The following GALNT13 variants were observed in gnomAD, a reference collection of about 807,000 sequenced individuals.
GALNT13 encodes the protein UDP-GalNAc:polypeptide N-acetylgalactosaminyltransferase 13.
GALNT13 carries 28 observed loss-of-function variants against 64.2 expected under a neutral mutation model. The observed-to-expected ratio is 0.44, with a 90% CI of 0.32 to 0.60. The LOEUF is 0.60. GALNT13 is among the 20% of genes least tolerant of loss of function. The pLI, the probability that GALNT13 is intolerant of heterozygous loss-of-function variation, is 0.05. For synonymous variants in GALNT13, 214 were observed against 224.6 expected, an observed-to-expected ratio of 0.95 and a Z score of 0.42; for missense variants, 577 against 669.8, an observed-to-expected ratio of 0.86 and a Z score of 1.53.
chr2:153,199,795 T>C, the GALNT13 span, among the ~76,000 whole-genome samples: 1 of 152,196 alleles, frequency 6.6e-6, no homozygotes, highest in Admixed American at 6.5e-5. Context: ...AAGACTTTCA[T>C]TTATAGGCAT....
chr2:153,227,409 G>A, the GALNT13 span, among the ~76,000 whole-genome samples: 6 of 152,100 alleles, frequency 3.9e-5, no homozygotes, highest in Non-Finnish European at 7.4e-5. Context: ...AAATCAGCTT[G>A]GAGTGGAGAT....
intron 9 of GALNT13, among the ~76,000 whole-genome samples, chr2:154,316,332 T>C (rs1694318192): frequency 6.6e-6 from 1 of 152,168 alleles, no homozygotes; most frequent in South Asian, 2.1e-4. Flanking sequence ...CATTTGAAAA[T>C]TGTGATCAAC....
At chr2:153,236,068 A>G in the GALNT13 span, among the ~76,000 whole-genome samples, 1 of 152,148 alleles carries the variant, frequency 6.6e-6, no homozygotes, top group Admixed American at 6.6e-5. Context: ...ACTGAAGATC[A>G]AACCAGCCAC....
At chr2:154,153,505 TTTTG>T (rs1684195579) in intron 4 of GALNT13, among the ~76,000 whole-genome samples, 1 of 152,176 alleles carries the variant, frequency 6.6e-6, no homozygotes, top group Non-Finnish European at 1.5e-5. Context: ...ACTGGTGTCT[TTTTG>T]TTTGTCTGTG....
the GALNT13 span, among the ~76,000 whole-genome samples, chr2:153,778,249 C>T: frequency 6.6e-6 from 1 of 152,190 alleles, no homozygotes; most frequent in Non-Finnish European, 1.5e-5. Flanking sequence ...TGTCTGCCTG[C>T]TACAGTCTCA....
At chr2:153,529,326 T>A in the GALNT13 span, among the ~76,000 whole-genome samples, 2 of 151,966 alleles carry the variant, frequency 1.3e-5, no homozygotes, top group East Asian at 3.9e-4. Context: ...AATGGACAAA[T>A]TCCTACACAG....
chr2:153,883,694 AG>A (rs1277096435), intron 1 of GALNT13, among the ~76,000 whole-genome samples: 1 of 152,070 alleles, frequency 6.6e-6, no homozygotes, highest in Non-Finnish European at 1.5e-5. Context: ...TGGGACAAAA[AG>A]GGGACATTAT....
intron 1 of GALNT13, among the ~76,000 whole-genome samples, chr2:153,874,227 G>A (rs1234515564): frequency 6.6e-6 from 1 of 150,812 alleles, no homozygotes; most frequent in Non-Finnish European, 1.5e-5. Flanking sequence ...GGCAGACTTT[G>A]AACATTAAAA....
intron 9 of GALNT13, among the ~76,000 whole-genome samples, chr2:154,304,102 G>C (rs1186052555): frequency 1.3e-5 from 2 of 152,140 alleles, no homozygotes; most frequent in African/African-American, 2.4e-5. Flanking sequence ...AGAAGGAGCA[G>C]TATGAAGTTT....
At chr2:154,111,225 G>C (rs1483862335) in intron 3 of GALNT13, among the ~76,000 whole-genome samples, 1 of 152,110 alleles carries the variant, frequency 6.6e-6, no homozygotes, top group Non-Finnish European at 1.5e-5. Context: ...TTTCCTGGTG[G>C]AGTGACCCAA....
the GALNT13 span, among the ~76,000 whole-genome samples, chr2:153,559,261 T>C: frequency 6.6e-6 from 1 of 152,202 alleles, no homozygotes; most frequent in Non-Finnish European, 1.5e-5. Context: ...TGTAGTTGAT[T>C]TGAATACGGA....
At chr2:154,021,750 T>G (rs1024091493) in intron 3 of GALNT13, among the ~76,000 whole-genome samples, 6 of 151,096 alleles carry the variant, frequency 4.0e-5, no homozygotes, top group Admixed American at 6.6e-5. Context: ...TGAATAGGAG[T>G]GGTGAGAGAG....
At chr2:153,449,398 A>G in the GALNT13 span, among the ~76,000 whole-genome samples, 1 of 151,988 alleles carries the variant, frequency 6.6e-6, no homozygotes, top group African/African-American at 2.4e-5. Context: ...CAGTCCCTCA[A>G]AGAAGACATG....
the GALNT13 span, among the ~76,000 whole-genome samples, chr2:153,250,909 G>A: frequency 3.3e-5 from 5 of 152,112 alleles, no homozygotes; most frequent in African/African-American, 1.2e-4. Flanking sequence ...AGAGGAATAG[G>A]ACAAATACCT....
At chr2:154,218,313 C>G (rs1444971072) in intron 4 of GALNT13, among the ~76,000 whole-genome samples, 2 of 152,034 alleles carry the variant, frequency 1.3e-5, no homozygotes, top group Non-Finnish European at 2.9e-5. Flanking sequence ...ACTACATTTC[C>G]TCAGTCTCCA....
chr2:153,502,919 T>C, the GALNT13 span, among the ~76,000 whole-genome samples: 2,998 of 152,300 alleles, frequency 0.02, 102 homozygotes, highest in African/African-American at 0.068. Flanking sequence ...CTTAGCCCAC[T>C]GATGTGATTT....
chr2:154,159,902 C>T (rs1684635577), intron 4 of GALNT13, among the ~76,000 whole-genome samples: 1 of 152,090 alleles, frequency 6.6e-6, no homozygotes, highest in Non-Finnish European at 1.5e-5. Flanking sequence ...CTACCGAGTG[C>T]CCTAGATGCT....
the GALNT13 span, among the ~76,000 whole-genome samples, chr2:153,069,009 C>T: frequency 6.6e-6 from 1 of 152,202 alleles, no homozygotes; most frequent in Non-Finnish European, 1.5e-5. Flanking sequence ...AGGCAGTGCA[C>T]TTTGGAAGAA....
chr2:153,248,080 A>C, the GALNT13 span, among the ~76,000 whole-genome samples: 1 of 152,194 alleles, frequency 6.6e-6, no homozygotes, highest in Non-Finnish European at 1.5e-5. Context: ...ATAGCCTGCT[A>C]ACTAAAAAGA....
Sources: gnomAD v4.1 joint callset for allele counts (sites outside exome capture counted in the v4.1 genomes callset) on GRCh38, gnomAD v4.1.1 for gene constraint, MANE v1.5 for transcripts, NCBI Gene and HGNC (gene_info 2026-07-23, HGNC 2026-07-21) for gene names.